Variants in TLE1 observed in about 807,000 individuals in gnomAD.
The protein encoded by TLE1 is TLE family member 1, transcriptional corepressor.
A neutral mutation model predicts 89.8 loss-of-function variants in TLE1; 21 were observed. That is an observed-to-expected ratio of 0.23 (90% CI 0.17 to 0.34). The LOEUF (loss-of-function observed/expected upper bound fraction) is 0.34. Ranked by LOEUF, TLE1 falls within the 10% of genes least tolerant of loss-of-function variation. The probability of loss-of-function intolerance (pLI) is 1.00; values close to 1 mark genes in which losing one functional copy is unlikely to be tolerated. For synonymous variants in TLE1, 447 were observed against 407.6 expected (o/e 1.10, Z -1.16); for missense variants, 795 against 1,031.2 (o/e 0.77, Z 3.14).
At chr9:81,653,135 A>C (rs181425211) in intron 5 of TLE1, among the ~76,000 whole-genome samples, 14 of 152,206 alleles carry the variant, frequency 9.2e-5, no homozygotes, top group Admixed American at 5.2e-4. Context: ...AGACAAATCT[A>C]TTGTCATATC....
At chr9:81,632,435 T>G (rs1826765763) in intron 8 of TLE1, among the ~76,000 whole-genome samples, 1 of 151,202 alleles carries the variant, frequency 6.6e-6, no homozygotes, top group Non-Finnish European at 1.5e-5. Context: ...CCCCCAAAAC[T>G]TATACCAAAA....
intron 17 of TLE1, among the ~76,000 whole-genome samples, chr9:81,586,434 AG>A (rs1175691902): frequency 6.6e-6 from 1 of 152,236 alleles, no homozygotes; most frequent in Non-Finnish European, 1.5e-5. Context: ...TGAATACTGT[AG>A]GCAACTGTAG....
chr9:81,685,704 T>C lies in TLE1; in HGVS notation c.206A>G (p.Tyr69Cys). 1 of 1,613,748 alleles carries C rather than the reference T, an allele frequency of 6.2e-7. No individual in the cohort carries two copies. Among genetic ancestry groups the C allele is most frequent in the South Asian group, 1.1e-5 (1 of 91,062 alleles). The change falls in exon 4 of 20, where the codon TAT becomes TGT. Residue 69 changes from tyrosine (Y) to cysteine (C), a missense_variant. Tyr to Cys is a radical substitution (Grantham distance 194, BLOSUM62 -2). Around this residue, in one of 4 missense-constraint regions of TLE1, gnomAD observed 66 missense variants for 118.7 expected, o/e 0.56. Transcript: ENST00000376499. ...RHYVMYYEMS[Y>C]GLNIEMHKQT... ...TTTGTGCATTTCAATGTTTAATCCA[T>C]ATGACATTTCATAATACTGTAAAGA...
intron 8 of TLE1, among the ~76,000 whole-genome samples, chr9:81,631,713 T>C (rs573599378): frequency 2.1e-4 from 32 of 152,356 alleles, no homozygotes; most frequent in African/African-American, 7.5e-4. Flanking sequence ...TTAAAACGCA[T>C]AACAGCCTAA....
In TLE1 at chr9:81,593,072, T is replaced by C. The variant is rs1227092165; in HGVS notation, c.1534A>G (p.Ile512Val). Residue 512 changes from isoleucine to valine, a missense_variant, in exon 15 of 20, where the codon ATC (isoleucine) becomes GTC (valine). Physicochemically the swap from Ile to Val is conservative, Grantham distance 29. Coordinates refer to ENST00000376499, the MANE Select transcript of TLE1 (RefSeq NM_005077.5). ...GGKGCVKVWD[I>V]SHPGNKSPVS... is the part of the protein sequence containing the mutation. The stretch of plus-strand genomic sequence containing the variant: ...GGGCTCTTATTGCCAGGGTGGCTGA[T>C]GTCCCAGACCTTGACGCAGCCCTTC... 10 of 1,613,994 alleles carry C rather than the reference T, an allele frequency of 6.2e-6. No individual in the cohort carries two copies. Among genetic ancestry groups the C allele is most frequent in the Non-Finnish European group, 8.5e-6 (10 of 1,179,874 alleles).
At chr9:81,652,168 AG>A in intron 6 of TLE1, 45 bp downstream of exon 6, 1 of 1,578,036 alleles carries the variant, frequency 6.3e-7, no homozygotes, top group South Asian at 1.1e-5. Flanking sequence ...AAGAAATGAA[AG>A]CTGGTTATAC....
chr9:81,631,213 G>T (rs1826556179), intron 8 of TLE1, among the ~76,000 whole-genome samples: 1 of 152,146 alleles, frequency 6.6e-6, no homozygotes, highest in African/African-American at 2.4e-5. Context: ...TTCTTGAAGG[G>T]GACAACCAAT....
chr9:81,634,029 G>A (rs1369084170), intron 7 of TLE1, 68 bp downstream of exon 7: 4 of 1,506,610 alleles, frequency 2.7e-6, no homozygotes, highest in African/African-American at 1.4e-5. Flanking sequence ...CTTTAGCGAT[G>A]CACACAACTT....
At chr9:81,611,719 G>T (rs764007714) in intron 13 of TLE1, 50 bp downstream of exon 13, 73 of 1,413,026 alleles carry the variant, frequency 5.2e-5, no homozygotes, top group Non-Finnish European at 6.5e-5. Context: ...GCGCTCAATG[G>T]AGCATGCAGC....
intron 8 of TLE1, 136 bp downstream of exon 8, chr9:81,633,212 C>A: frequency 7.1e-7 from 1 of 1,406,732 alleles, no homozygotes; most frequent in Non-Finnish European, 9.4e-7. Context: ...AAGAAAAAAG[C>A]CAGGTCACTG....
chr9:81,615,405 C>T (rs1265007313), intron 11 of TLE1, among the ~76,000 whole-genome samples: 1 of 151,158 alleles, frequency 6.6e-6, no homozygotes, highest in African/African-American at 2.4e-5. Context: ...GTGGCAAGAA[C>T]ATATCCCCCA....
At chr9:81,660,365 C>T (rs780835919) in intron 4 of TLE1, among the ~76,000 whole-genome samples, 5 of 150,630 alleles carry the variant, frequency 3.3e-5, no homozygotes, top group Non-Finnish European at 7.4e-5. Flanking sequence ...CAAAATCATA[C>T]GTTGGTAAGT....
At chr9:81,633,288 CGT>C (rs56327119) in intron 8 of TLE1, 58 bp downstream of exon 8, 51,979 of 1,523,954 alleles carry the variant, frequency 0.034, 11 homozygotes, top group Middle Eastern at 0.041. Context: ...AGAAGGGGAC[CGT>C]GTGTGTGTGT....
intron 6 of TLE1, among the ~76,000 whole-genome samples, chr9:81,651,512 A>C (rs1028311220): frequency 6.6e-6 from 1 of 152,162 alleles, no homozygotes; most frequent in Admixed American, 6.6e-5. Context: ...AGGGCAGACA[A>C]TTAACAATTC....
intron 4 of TLE1, among the ~76,000 whole-genome samples, chr9:81,675,698 G>GTTTGTTTTTTTTTTTTTTTT (rs1554701835): frequency 1.5e-5 from 2 of 129,666 alleles, no homozygotes; most frequent in Admixed American, 7.8e-5. Flanking sequence ...ACTCACACTA[G>GTTTGTTTTTTTTTTTTTTTT]TTTTTTTTTG....
intron 6 of TLE1, among the ~76,000 whole-genome samples, chr9:81,648,946 T>C (rs1008957959): frequency 6.6e-6 from 1 of 152,164 alleles, no homozygotes; most frequent in Non-Finnish European, 1.5e-5. Context: ...TCAAACCAAA[T>C]AAACCTTGTA....
chr9:81,594,929 T>C (rs539594558), intron 14 of TLE1, among the ~76,000 whole-genome samples: 18 of 152,290 alleles, frequency 1.2e-4, no homozygotes, highest in African/African-American at 4.1e-4. Flanking sequence ...AAGCAAAATA[T>C]CAGACACATG....
chr9:81,617,506 A>C (rs1365674222), intron 9 of TLE1, among the ~76,000 whole-genome samples: 1 of 151,944 alleles, frequency 6.6e-6, no homozygotes, highest in African/African-American at 2.4e-5. Context: ...GTTCAAGACC[A>C]GCCTGGCCAA....
At chr9:81,687,574 G>A (rs2129105) in intron 1 of TLE1, 140 bp from the exon 2 acceptor site, 165,766 of 626,596 alleles carry the variant, frequency 0.26, 23,586 homozygotes, top group Non-Finnish European at 0.3. Flanking sequence ...ACTCGAGTTT[G>A]CCCTTCACTA....
Sources: gnomAD v4.1 joint callset for allele counts (sites outside exome capture counted in the v4.1 genomes callset) on GRCh38, gnomAD v4.1.1 for gene constraint, gnomAD v4.1.1 regional missense constraint, MANE v1.5 for transcripts, NCBI Gene and HGNC (gene_info 2026-07-23, HGNC 2026-07-21) for gene names.